Variants in ST3GAL6 observed in about 807,000 individuals in gnomAD.
The protein encoded by ST3GAL6 is ST3 beta-galactoside alpha-2,3-sialyltransferase 6, also known as type 2 lactosamine alpha-2,3-sialyltransferase.
Under a neutral mutation model 40.5 loss-of-function variants are expected in ST3GAL6, and 31 were observed. The ratio of observed to expected loss-of-function variants is 0.77; its 90% CI spans 0.58 to 1.03. The LOEUF (loss-of-function observed/expected upper bound fraction) is 1.03. Ranked by LOEUF, ST3GAL6 falls within the 50% of genes least tolerant of loss-of-function variation. The pLI, the probability that ST3GAL6 is intolerant of heterozygous loss-of-function variation, is 0.00. For missense variants in ST3GAL6, 357 were observed against 393.2 expected (o/e 0.91, Z 0.78); for synonymous variants, 129 against 136.9 (o/e 0.94, Z 0.40).
Position 98,791,949 on chromosome 3 carries a change from C to G in ST3GAL6, c.865C>G (p.Pro289Ala), listed in dbSNP as rs1184087548. The change falls in exon 9 of 10, where the codon CCT (proline) becomes GCT (alanine). Residue 289 changes from proline to alanine, a missense_variant. By Grantham distance (27) the Pro-to-Ala change is conservative. Transcript: ENST00000483910. ...FKYNFSDLKS[P>A]LHYYGNATMS... ...ATACAACTTTTCTGACCTCAAGAGT[C>G]CTTTGCACTACTATGGGAATGCCAC... The G allele has an allele frequency of 1.2e-6, 2 of 1,613,772 alleles. No individual in the cohort carries two copies. Among genetic ancestry groups the G allele is most frequent in the Non-Finnish European group, 1.7e-6 (2 of 1,179,864 alleles).
intron 1 of ST3GAL6, chr3:98,756,355 A>C (rs371843628): frequency 7.8e-7 from 1 of 1,289,526 alleles, no homozygotes; most frequent in Non-Finnish European, 1.0e-6. Flanking sequence ...TACTATCTTT[A>C]TGTTTTATTT....
intron 1 of ST3GAL6, among the ~76,000 whole-genome samples, chr3:98,766,050 C>T (rs1234048038): frequency 6.6e-6 from 1 of 152,168 alleles, no homozygotes; most frequent in Non-Finnish European, 1.5e-5. Context: ...AGTGCCTTAA[C>T]TTCCTAAATG....
chr3:98,785,234 A>G (rs1940584394), intron 6 of ST3GAL6, among the ~76,000 whole-genome samples, 194 bp downstream of exon 6: 1 of 152,168 alleles, frequency 6.6e-6, no homozygotes, highest in African/African-American at 2.4e-5. Context: ...GTATTTGTTA[A>G]GTCTCCTTAG....
rs1219270435 is a variant in ST3GAL6, at chr3:98,794,496, T to A, written c.*735T>A. Reference sequence around the variant, plus strand: ...GGAAAAAAAAATCTTGAACATTATTTTTTTTTGCCTGACTTACTTATTCAT... The same window carrying A: ...GGAAAAAAAAATCTTGAACATTATTATTTTTTGCCTGACTTACTTATTCAT... On this transcript the variant is annotated 3_prime_UTR_variant, in exon 10 of 10. Transcript: ENST00000483910. 6.6e-6 allele frequency: 1 copy of A among 152,184 alleles called. No homozygotes were observed. Among genetic ancestry groups the A allele is most frequent in the Non-Finnish European group, 1.5e-5 (1 of 68,034 alleles). 9.4% of individuals were successfully genotyped at this position (152,184 alleles called of 1,614,324 possible). A position where few individuals can be genotyped will look rare whatever the true frequency, so the allele number is the denominator to read the frequency against.
At chr3:98,788,493 C>A in intron 8 of ST3GAL6, 30 bp downstream of exon 8, 1 of 1,572,260 alleles carries the variant, frequency 6.4e-7, no homozygotes, top group South Asian at 1.2e-5. Flanking sequence ...TGGTTTCAAA[C>A]TACAGATCTG....
At chr3:98,788,921 A>G (rs546616085) in intron 8 of ST3GAL6, among the ~76,000 whole-genome samples, 2 of 152,250 alleles carry the variant, frequency 1.3e-5, no homozygotes, top group Non-Finnish European at 2.9e-5. Context: ...AGGAAGGACA[A>G]TAAAGTAGTC....
At chr3:98,734,695 A>AT (rs1246191448) in intron 1 of ST3GAL6, among the ~76,000 whole-genome samples, 3 of 152,214 alleles carry the variant, frequency 2.0e-5, no homozygotes, top group African/African-American at 7.2e-5. Flanking sequence ...AATAATAATA[A>AT]AAAACCTTTG....
At chr3:98,743,073 A>G (rs1936252533) in intron 1 of ST3GAL6, among the ~76,000 whole-genome samples, 1 of 143,836 alleles carries the variant, frequency 7.0e-6, no homozygotes, top group Non-Finnish European at 1.5e-5. Context: ...TCGTGGTGCA[A>G]TCTTGGCTCA....
intron 5 of ST3GAL6, among the ~76,000 whole-genome samples, chr3:98,775,321 CA>C (rs1234059442): frequency 6.6e-6 from 1 of 151,970 alleles, no homozygotes; most frequent in Non-Finnish European, 1.5e-5. Context: ...ACTAAAAATA[CA>C]AAAATTAGCC....
intron 1 of ST3GAL6, among the ~76,000 whole-genome samples, chr3:98,766,842 A>T (rs1334522778): frequency 1.3e-5 from 2 of 152,194 alleles, no homozygotes; most frequent in African/African-American, 4.8e-5. Flanking sequence ...AAAGAGGTAG[A>T]TGGTGTGTTC....
intron 6 of ST3GAL6, among the ~76,000 whole-genome samples, chr3:98,787,719 T>C (rs1429858679): frequency 6.6e-6 from 1 of 152,256 alleles, no homozygotes; most frequent in Non-Finnish European, 1.5e-5. Context: ...CTTTCAACTC[T>C]GGTATCCTGT....
intron 2 of ST3GAL6, among the ~76,000 whole-genome samples, chr3:98,769,733 T>G (rs1938765367): frequency 6.6e-6 from 1 of 152,222 alleles, no homozygotes; most frequent in African/African-American, 2.4e-5. Flanking sequence ...TGAACTTGCT[T>G]CCTTAAAAAT....
At chr3:98,755,381 G>C (rs1473389769) in intron 1 of ST3GAL6, among the ~76,000 whole-genome samples, 1 of 152,096 alleles carries the variant, frequency 6.6e-6, no homozygotes, top group Non-Finnish European at 1.5e-5. Context: ...AATAAACTGT[G>C]AAAATGCAGC....
intron 1 of ST3GAL6, among the ~76,000 whole-genome samples, chr3:98,765,043 G>A (rs1341222205): frequency 6.6e-6 from 1 of 152,156 alleles, no homozygotes; most frequent in East Asian, 1.9e-4. Flanking sequence ...CAAATTGGTG[G>A]ATGCTGTTTA....
At chr3:98,740,631 C>A (rs1383762165) in intron 1 of ST3GAL6, among the ~76,000 whole-genome samples, 1 of 152,148 alleles carries the variant, frequency 6.6e-6, no homozygotes, top group South Asian at 2.1e-4. Flanking sequence ...CTGAGCCTTA[C>A]TTTCCTTATC....
At chr3:98,782,594 TG>T in intron 5 of ST3GAL6, 2 of 512,692 alleles carry the variant, frequency 3.9e-6, no homozygotes, top group Non-Finnish European at 3.6e-6. Context: ...GCACTGTCCC[TG>T]GGGTCATCCA....
At chr3:98,760,583 G>A (rs1937649815), upstream of ST3GAL6, among the ~76,000 whole-genome samples, 1 of 152,110 alleles carries the variant, frequency 6.6e-6, no homozygotes, top group Non-Finnish European at 1.5e-5. Context: ...TTATTCAATA[G>A]CAGTAATAAT....
rs188110748 is a variant in ST3GAL6, at chr3:98,746,383, C to T, written c.-12+13851C>T. On this transcript the variant is annotated intron_variant, in intron 1 of 9. Transcript: ENST00000265261. ...TGTAACCCTCAGTGTACTGGGGTGA[C>T]GTTTTTCATTGGGAGCCCAGATTTT... 1.8e-4 allele frequency among the ~76,000 whole-genome samples: 27 copies of T among 151,962 alleles called. No homozygotes were observed. The East Asian group carries it at 3.7e-3, about 21-fold the overall frequency.
At chr3:98,783,836 T>C (rs1940421310) in intron 5 of ST3GAL6, 1 of 306,506 alleles carries the variant, frequency 3.3e-6, no homozygotes, top group Admixed American at 6.5e-5. Context: ...ATGTTAAAAG[T>C]ATTTTTTAAA....
Sources: gnomAD v4.1 joint callset for allele counts (sites outside exome capture counted in the v4.1 genomes callset) on GRCh38, gnomAD v4.1.1 for gene constraint, MANE v1.5 for transcripts, NCBI Gene and HGNC (gene_info 2026-07-23, HGNC 2026-07-21) for gene names.